Variants in KCNIP4 observed in about 807,000 individuals in gnomAD.
The protein encoded by KCNIP4 is potassium voltage-gated channel interacting protein 4.
KCNIP4 carries 12 observed loss-of-function variants against 34.0 expected under a neutral mutation model. That is an observed-to-expected ratio of 0.35 (90% CI 0.23 to 0.57). The LOEUF (loss-of-function observed/expected upper bound fraction) is 0.57. KCNIP4 is among the 20% of genes least tolerant of loss of function. The pLI is 0.83. For missense variants in KCNIP4, 238 were observed against 311.7 expected (o/e 0.76, Z 1.78); for synonymous variants, 124 against 102.2 (o/e 1.21, Z -1.29).
chr4:21,717,021 G>A (rs941397685), intron 1 of KCNIP4, among the ~76,000 whole-genome samples: 1 of 152,092 alleles, frequency 6.6e-6, no homozygotes, highest in African/African-American at 2.4e-5. Context: ...CCCATCTGAT[G>A]GGTTTCAGGG....
intron 1 of KCNIP4, among the ~76,000 whole-genome samples, chr4:21,430,640 T>C (rs75090669): frequency 0.017 from 2,556 of 152,214 alleles, 85 homozygotes; most frequent in African/African-American, 0.058. Context: ...TCAACTGTTC[T>C]TCCTTTTTAA....
chr4:21,423,489 T>G (rs2109636341), intron 1 of KCNIP4, among the ~76,000 whole-genome samples: 1 of 152,350 alleles, frequency 6.6e-6, no homozygotes, highest in South Asian at 2.1e-4. Flanking sequence ...AGAAGCTGCC[T>G]TCTATACATT....
At chr4:21,293,772 A>C (rs1263770487) in intron 1 of KCNIP4, among the ~76,000 whole-genome samples, 2 of 152,252 alleles carry the variant, frequency 1.3e-5, no homozygotes, top group Non-Finnish European at 2.9e-5. Context: ...GAATTAAAAA[A>C]TCATATGTAA....
At chr4:21,112,029 C>CCATT (rs1553940018) in intron 1 of KCNIP4, among the ~76,000 whole-genome samples, 1 of 83,562 alleles carries the variant, frequency 1.2e-5, no homozygotes, top group African/African-American at 3.5e-5. Flanking sequence ...TTCTCTGTAT[C>CCATT]TATCTATCTA....
At chr4:21,896,471 A>G (rs1727393072) in intron 1 of KCNIP4, among the ~76,000 whole-genome samples, 1 of 152,154 alleles carries the variant, frequency 6.6e-6, no homozygotes, top group South Asian at 2.1e-4. Context: ...ATTCTAGGAT[A>G]TGAGAGAAGA....
intron 2 of KCNIP4, among the ~76,000 whole-genome samples, chr4:20,871,164 G>A (rs548845095): frequency 1.3e-5 from 2 of 152,104 alleles, no homozygotes; most frequent in South Asian, 2.1e-4. Context: ...TATGACCCAG[G>A]CATTGGTCAA....
At chr4:21,444,686 A>C (rs1442417710) in intron 1 of KCNIP4, among the ~76,000 whole-genome samples, 12 of 152,304 alleles carry the variant, frequency 7.9e-5, no homozygotes, top group Non-Finnish European at 1.8e-4. Context: ...ATGGGCAAAA[A>C]CTGGAAGCAT....
intron 1 of KCNIP4, among the ~76,000 whole-genome samples, chr4:20,971,655 T>C (rs978490765): frequency 3.9e-5 from 6 of 152,360 alleles, no homozygotes; most frequent in African/African-American, 1.2e-4. Context: ...TTAGCAAGTA[T>C]AATATTTTTG....
chr4:21,128,228 G>C (rs149136341), intron 1 of KCNIP4, among the ~76,000 whole-genome samples: 1 of 152,210 alleles, frequency 6.6e-6, no homozygotes. Flanking sequence ...GGAAAGTCAA[G>C]GGAAGAAAGT....
At chr4:21,270,049 G>A (rs113793778) in intron 1 of KCNIP4, among the ~76,000 whole-genome samples, 1 of 152,248 alleles carries the variant, frequency 6.6e-6, no homozygotes, top group East Asian at 1.9e-4. Context: ...AGCAAATCAG[G>A]TATTTTGGGA....
chr4:21,718,399 T>C (rs923441529), intron 1 of KCNIP4: 1 of 152,220 alleles, frequency 6.6e-6, no homozygotes, highest in Non-Finnish European at 1.5e-5. Flanking sequence ...TTGGTAAACA[T>C]TTTATGAATA....
At chr4:21,046,848 C>T (rs755765826) in intron 1 of KCNIP4, among the ~76,000 whole-genome samples, 3 of 152,206 alleles carry the variant, frequency 2.0e-5, no homozygotes, top group Non-Finnish European at 4.4e-5. Context: ...GCCTCCTGGC[C>T]TTCCAAAGTG....
chr4:20,802,007 TA>T (rs1470763262), intron 3 of KCNIP4, among the ~76,000 whole-genome samples: 3 of 151,186 alleles, frequency 2.0e-5, no homozygotes, highest in Non-Finnish European at 3.0e-5. Flanking sequence ...AGACTTCAAT[TA>T]AAAAAACTAT....
At chr4:21,839,481 C>T (rs577931391) in intron 1 of KCNIP4, among the ~76,000 whole-genome samples, 1 of 152,278 alleles carries the variant, frequency 6.6e-6, no homozygotes, top group East Asian at 1.9e-4. Context: ...AGACCAGTTG[C>T]AAAGGCTCAC....
At chr4:21,174,082 T>C (rs930842369) in intron 1 of KCNIP4, among the ~76,000 whole-genome samples, 2 of 152,210 alleles carry the variant, frequency 1.3e-5, no homozygotes, top group African/African-American at 4.8e-5. Context: ...TGTTCCCTTA[T>C]AACTCTAAGT....
intron 2 of KCNIP4, among the ~76,000 whole-genome samples, chr4:20,870,651 G>A (rs1723350198): frequency 6.6e-6 from 1 of 152,074 alleles, no homozygotes; most frequent in Non-Finnish European, 1.5e-5. Context: ...GCTCCCTGAG[G>A]ACCTTTTATA....
chr4:21,575,142 C>G (rs961982746), intron 1 of KCNIP4, among the ~76,000 whole-genome samples: 3 of 152,160 alleles, frequency 2.0e-5, no homozygotes. Context: ...AGGAGGTGAT[C>G]TTGCCCTCAA....
chr4:21,186,892 C>T (rs983745048), intron 1 of KCNIP4, among the ~76,000 whole-genome samples: 16 of 152,192 alleles, frequency 1.1e-4, no homozygotes, highest in Admixed American at 3.3e-4. Flanking sequence ...CAAGGGATCC[C>T]TCATCCCAAA....
intron 1 of KCNIP4, among the ~76,000 whole-genome samples, chr4:21,479,532 A>G (rs1280268607): frequency 6.6e-6 from 1 of 152,172 alleles, no homozygotes; most frequent in Non-Finnish European, 1.5e-5. Context: ...AAGAAGAAAG[A>G]TAGTGCTTAG....
Sources: allele counts gnomAD v4.1 joint callset (sites outside exome capture counted in the v4.1 genomes callset), GRCh38; gene constraint gnomAD v4.1.1; transcripts MANE v1.5; gene names NCBI Gene and HGNC (gene_info 2026-07-23, HGNC 2026-07-21).